CNTN1: variants seen among roughly 807,000 people sequenced by gnomAD.
CNTN1 encodes the protein contactin 1.
In CNTN1, 38 loss-of-function variants were observed where a neutral mutation model predicts 126.4. The ratio of observed to expected loss-of-function variants is 0.30; its 90% CI spans 0.23 to 0.39. The LOEUF (loss-of-function observed/expected upper bound fraction) is 0.39. CNTN1 is among the 10% of genes least tolerant of loss of function. The pLI is 1.00. For missense variants in CNTN1, 1,009 were observed against 1,248.4 expected, an observed-to-expected ratio of 0.81 and a Z score of 2.89; for synonymous variants, 413 against 422.6, an observed-to-expected ratio of 0.98 and a Z score of 0.28.
intron 1 of CNTN1, among the ~76,000 whole-genome samples, chr12:40,874,541 G>A (rs1277831637): frequency 6.6e-6 from 1 of 152,012 alleles, no homozygotes. Context: ...TAATGGATGA[G>A]ACCAACTGCA....
intron 15 of CNTN1, among the ~76,000 whole-genome samples, chr12:40,970,240 C>G (rs577422008): frequency 6.6e-6 from 1 of 152,036 alleles, no homozygotes; most frequent in South Asian, 2.1e-4. Context: ...CACAGCACCC[C>G]CTTTTCAGAC....
At chr12:41,014,903 T>C (rs1948744187) in intron 18 of CNTN1, among the ~76,000 whole-genome samples, 1 of 152,174 alleles carries the variant, frequency 6.6e-6, no homozygotes, top group Non-Finnish European at 1.5e-5. Context: ...GTGGGAAAAG[T>C]TGTCTGACAA....
chr12:40,806,686 G>A (rs2136494877), intron 1 of CNTN1, among the ~76,000 whole-genome samples: 1 of 152,226 alleles, frequency 6.6e-6, no homozygotes, highest in East Asian at 1.9e-4. Flanking sequence ...AGATTGACAT[G>A]GTAGCCCATA....
chr12:40,734,862 T>C (rs1389389968), intron 1 of CNTN1, among the ~76,000 whole-genome samples: 2 of 152,060 alleles, frequency 1.3e-5, no homozygotes, highest in African/African-American at 4.8e-5. Flanking sequence ...AAATTGATTT[T>C]GGAGGTGTTT....
chr12:40,866,717 AT>A (rs1320942689), intron 1 of CNTN1, among the ~76,000 whole-genome samples: 1 of 152,096 alleles, frequency 6.6e-6, no homozygotes, highest in Non-Finnish European at 1.5e-5. Context: ...GTTTGCTAAT[AT>A]TTTGTTGATA....
At chr12:40,781,093 C>G (rs188200125) in intron 1 of CNTN1, among the ~76,000 whole-genome samples, 7 of 151,806 alleles carry the variant, frequency 4.6e-5, no homozygotes, top group Non-Finnish European at 7.4e-5. Flanking sequence ...AGATGTGAAA[C>G]AAATATAAGA....
chr12:40,892,160 A>G (rs1390683320), intron 1 of CNTN1, among the ~76,000 whole-genome samples: 1 of 152,110 alleles, frequency 6.6e-6, no homozygotes, highest in Non-Finnish European at 1.5e-5. Context: ...AAGGCTGAGC[A>G]AAGATCTACC....
intron 20 of CNTN1, among the ~76,000 whole-genome samples, chr12:41,023,350 G>A (rs1275886517): frequency 6.6e-6 from 1 of 152,198 alleles, no homozygotes; most frequent in Admixed American, 6.5e-5. Flanking sequence ...TGGTTTTAAA[G>A]TGTATCTCAG....
chr12:41,049,299 AGTC>A, intron 23 of CNTN1, among the ~76,000 whole-genome samples: 1 of 152,342 alleles, frequency 6.6e-6, no homozygotes, highest in East Asian at 1.9e-4. Context: ...ATCAAATGTC[AGTC>A]TTCTCTGATT....
At chr12:40,973,857 A>G (rs1348070439) in intron 15 of CNTN1, among the ~76,000 whole-genome samples, 1 of 152,192 alleles carries the variant, frequency 6.6e-6, no homozygotes, top group African/African-American at 2.4e-5. Flanking sequence ...TCCTGTTTAT[A>G]AATTGAGACA....
intron 1 of CNTN1, among the ~76,000 whole-genome samples, chr12:40,837,666 G>A (rs1942113019): frequency 6.6e-6 from 1 of 152,168 alleles, no homozygotes; most frequent in South Asian, 2.1e-4. Flanking sequence ...GAGGTGTTAG[G>A]GAAACTTGGG....
intron 17 of CNTN1, among the ~76,000 whole-genome samples, chr12:41,009,164 A>C (rs1948583450): frequency 6.6e-6 from 1 of 152,196 alleles, no homozygotes; most frequent in South Asian, 2.1e-4. Context: ...ACTTGTTCAC[A>C]GTCATATTCA....
intron 1 of CNTN1, among the ~76,000 whole-genome samples, chr12:40,877,496 A>T (rs139034135): frequency 7.2e-5 from 11 of 152,324 alleles, no homozygotes; most frequent in African/African-American, 2.6e-4. Context: ...ACTCTCTGGG[A>T]GAGTGAGTCA....
chr12:41,042,791 C>A (rs1949446221), intron 23 of CNTN1, among the ~76,000 whole-genome samples: 1 of 151,930 alleles, frequency 6.6e-6, no homozygotes, highest in Admixed American at 6.6e-5. Flanking sequence ...GGTACTGGTA[C>A]CAAAACAGAG....
intron 1 of CNTN1, among the ~76,000 whole-genome samples, chr12:40,705,990 C>A (rs1253558652): frequency 2.0e-5 from 3 of 151,946 alleles, no homozygotes; most frequent in Non-Finnish European, 2.9e-5. Flanking sequence ...GAAATCTACC[C>A]CAGGATCCAA....
intron 23 of CNTN1, among the ~76,000 whole-genome samples, chr12:41,063,324 C>A (rs1949979369): frequency 6.6e-6 from 1 of 152,192 alleles, no homozygotes; most frequent in South Asian, 2.1e-4. Context: ...AGTCCTGAAA[C>A]ACGTTTTTCC....
intron 23 of CNTN1, among the ~76,000 whole-genome samples, chr12:41,034,404 G>A (rs759591655): frequency 1.3e-5 from 2 of 152,034 alleles, no homozygotes; most frequent in Non-Finnish European, 2.9e-5. Context: ...ACTATTTTTT[G>A]GGTAGAACTT....
chr12:40,977,024 G>T (rs1198723026), intron 15 of CNTN1, among the ~76,000 whole-genome samples: 4 of 152,152 alleles, frequency 2.6e-5, no homozygotes, highest in African/African-American at 9.7e-5. Flanking sequence ...AGCCTCAGGA[G>T]GTCCTGACGA....
At chr12:40,757,509 A>G (rs761577840) in intron 1 of CNTN1, among the ~76,000 whole-genome samples, 2 of 152,200 alleles carry the variant, frequency 1.3e-5, no homozygotes, top group Middle Eastern at 3.2e-3. Context: ...TTAAGTTTTC[A>G]AAGTTAGGAC....
Sources: gnomAD v4.1 joint callset for allele counts (sites outside exome capture counted in the v4.1 genomes callset) on GRCh38, gnomAD v4.1.1 for gene constraint, MANE v1.5 for transcripts, NCBI Gene and HGNC (gene_info 2026-07-23, HGNC 2026-07-21) for gene names.